RABGEF1: variants seen among roughly 807,000 people sequenced by gnomAD.
RABGEF1 encodes rab5 GDP/GTP exchange factor.
RABGEF1 carries 26 observed loss-of-function variants against 57.3 expected under a neutral mutation model. The ratio of observed to expected loss-of-function variants is 0.45; its 90% CI spans 0.33 to 0.63. The LOEUF (loss-of-function observed/expected upper bound fraction) is 0.63, where lower values mean the gene tolerates loss of function less well. RABGEF1 is among the 20% of genes least tolerant of loss of function. The probability of loss-of-function intolerance (pLI) is 0.02; values close to 1 mark genes in which losing one functional copy is unlikely to be tolerated. For synonymous variants in RABGEF1, 185 were observed against 210.7 expected, an observed-to-expected ratio of 0.88 and a Z score of 1.06; for missense variants, 464 against 607.6, an observed-to-expected ratio of 0.76 and a Z score of 2.48.
At chr7:66,800,617 T>C (rs1055206999) in intron 7 of RABGEF1, among the ~76,000 whole-genome samples, 2 of 152,250 alleles carry the variant, frequency 1.3e-5, no homozygotes, top group Non-Finnish European at 2.9e-5. Flanking sequence ...CATAAGAGGT[T>C]GAAGGTGGAG....
chr7:66,702,347 T>TTGTGTGTGTGTGTG (rs58655312), intron 1 of RABGEF1, among the ~76,000 whole-genome samples: 17 of 143,982 alleles, frequency 1.2e-4, no homozygotes, highest in East Asian at 4.1e-4. Flanking sequence ...ATTGTTTTGT[T>TTGTGTGTGTGTGTG]TGTGTGTGTG....
intron 1 of RABGEF1, among the ~76,000 whole-genome samples, chr7:66,706,698 G>C (rs1035912702): frequency 6.6e-6 from 1 of 151,288 alleles, no homozygotes; most frequent in Middle Eastern, 3.2e-3. Context: ...ACAGGTGTGA[G>C]CCACCGCGCC....
chr7:66,795,467 C>T, intron 4 of RABGEF1, 44 bp from the exon 5 acceptor site: 2 of 1,490,936 alleles, frequency 1.3e-6, no homozygotes, highest in South Asian at 1.1e-5. Flanking sequence ...TGTGCTTCTG[C>T]ACTTTGTTCA....
intron 4 of RABGEF1, among the ~76,000 whole-genome samples, chr7:66,791,909 C>G (rs1487323371): frequency 6.6e-6 from 1 of 152,076 alleles, no homozygotes; most frequent in Non-Finnish European, 1.5e-5. Context: ...GTCAGGAGGT[C>G]AAGACCAGCC....
chr7:66,802,589 A>C (rs1470874749), intron 7 of RABGEF1, among the ~76,000 whole-genome samples: 4 of 152,184 alleles, frequency 2.6e-5, no homozygotes, highest in Non-Finnish European at 1.5e-5. Flanking sequence ...TTCTCCTCAC[A>C]TGTCTCCTAG....
At chr7:66,688,056 G>A (rs950382764) in intron 1 of RABGEF1, among the ~76,000 whole-genome samples, 3 of 134,034 alleles carry the variant, frequency 2.2e-5, no homozygotes, top group Non-Finnish European at 1.5e-5. Flanking sequence ...TTGCACTCCA[G>A]CCTGGGCAAC....
the RABGEF1 span, among the ~76,000 whole-genome samples, chr7:66,672,817 C>A: frequency 6.6e-6 from 1 of 152,262 alleles, no homozygotes; most frequent in Non-Finnish European, 1.5e-5. Flanking sequence ...AGATAACTTG[C>A]TTGGAAGCAT....
chr7:66,738,225 G>A (rs1798278006), upstream of RABGEF1, among the ~76,000 whole-genome samples: 1 of 152,000 alleles, frequency 6.6e-6, no homozygotes, highest in Non-Finnish European at 1.5e-5. Context: ...CACCATGTTG[G>A]CCAGGCTGGT....
chr7:66,656,835 A>T, the RABGEF1 span, among the ~76,000 whole-genome samples: 262 of 151,126 alleles, frequency 1.7e-3, 4 homozygotes, highest in African/African-American at 5.9e-3. Context: ...AAAAAAAAAA[A>T]AAAAAAGTAA....
intron 8 of RABGEF1, chr7:66,807,918 G>A (rs1788782770): frequency 1.3e-5 from 2 of 152,108 alleles, no homozygotes. Flanking sequence ...GCCTCCCAAA[G>A]TGCTAGGATT....
At chr7:66,806,640 CT>C (rs71997947) in intron 8 of RABGEF1, among the ~76,000 whole-genome samples, 6,214 of 114,528 alleles carry the variant, frequency 0.054, 244 homozygotes, top group African/African-American at 0.19. Context: ...CTCATATATC[CT>C]TTTTTTTTTT....
At chr7:66,702,532 T>A (rs1793449742) in intron 1 of RABGEF1, among the ~76,000 whole-genome samples, 1 of 152,164 alleles carries the variant, frequency 6.6e-6, no homozygotes, top group Non-Finnish European at 1.5e-5. Flanking sequence ...AGGGCAATTC[T>A]ATGCTTTTTG....
chr7:66,715,884 G>A (rs1795338194), intron 2 of RABGEF1, among the ~76,000 whole-genome samples: 1 of 152,146 alleles, frequency 6.6e-6, no homozygotes, highest in Non-Finnish European at 1.5e-5. Context: ...CTCCTGAATA[G>A]CTGGGATTGC....
chr7:66,705,526 A>T (rs1226854785), intron 1 of RABGEF1, among the ~76,000 whole-genome samples: 1 of 149,678 alleles, frequency 6.7e-6, no homozygotes, highest in Non-Finnish European at 1.5e-5. Context: ...GAGGAGGAAG[A>T]GGAGGAAGAA....
intron 1 of RABGEF1, among the ~76,000 whole-genome samples, chr7:66,763,731 A>G (rs1278485736): frequency 1.3e-5 from 2 of 152,224 alleles, no homozygotes; most frequent in African/African-American, 2.4e-5. Context: ...GAATGGAATC[A>G]TATAATGTGT....
chr7:66,738,018 TTTTTG>T (rs1798226130), upstream of RABGEF1, among the ~76,000 whole-genome samples: 3 of 133,282 alleles, frequency 2.3e-5, no homozygotes, highest in East Asian at 2.9e-4. Context: ...TTTTTTGTTT[TTTTTG>T]TTTTTTTTTT....
the RABGEF1 span, among the ~76,000 whole-genome samples, chr7:66,671,601 T>A: frequency 1.3e-5 from 2 of 152,136 alleles, no homozygotes; most frequent in Non-Finnish European, 1.5e-5. Flanking sequence ...AAGTCTTTTT[T>A]AAAAAACCTC....
At position 66,800,137 on chromosome 7, in the gene RABGEF1, T is replaced by C. The variant is rs773736662; in HGVS notation, c.820+723T>C. On this transcript the variant is annotated intron_variant, in intron 7 of 8. Coordinates refer to ENST00000284957, the MANE Select transcript of RABGEF1 (RefSeq NM_014504.3). Reference sequence around the variant, plus strand: ...TGTAGACATTGTTAATGAAATTCTATTGGAAAGGAAGTGGGTTAACTGATA... The same window carrying C: ...TGTAGACATTGTTAATGAAATTCTACTGGAAAGGAAGTGGGTTAACTGATA... 5.3e-5 allele frequency among the ~76,000 whole-genome samples: 8 copies of C among 152,316 alleles called. No homozygotes were observed. In the East Asian group the frequency reaches 5.8e-4, roughly 11 times the overall value.
intron 2 of RABGEF1, among the ~76,000 whole-genome samples, chr7:66,725,597 A>C (rs1312999939): frequency 6.6e-6 from 1 of 152,196 alleles, no homozygotes; most frequent in African/African-American, 2.4e-5. Context: ...TTGTGATGTT[A>C]TGCTGTTTTT....
Sources: gnomAD v4.1 joint callset for allele counts (sites outside exome capture counted in the v4.1 genomes callset) on GRCh38, gnomAD v4.1.1 for gene constraint, MANE v1.5 for transcripts, NCBI Gene and HGNC (gene_info 2026-07-23, HGNC 2026-07-21) for gene names.